Variants in SLC35F3 observed in about 807,000 individuals in gnomAD.
The protein encoded by SLC35F3 is solute carrier family 35 member F3, also known as putative thiamine transporter SLC35F3.
SLC35F3 carries 25 observed loss-of-function variants against 49.9 expected under a neutral mutation model. The observed-to-expected ratio is 0.50, with a 90% CI of 0.37 to 0.70. The LOEUF is 0.70. Among genes scored for constraint, SLC35F3 ranks in the 30% least tolerant of loss-of-function variants. The pLI, the probability that SLC35F3 is intolerant of heterozygous loss-of-function variation, is 0.00. For missense variants in SLC35F3, 525 were observed against 639.8 expected (o/e 0.82, Z 1.94); for synonymous variants, 275 against 265.4 (o/e 1.04, Z -0.35).
At position 234,236,925 on chromosome 1, in the gene SLC35F3, TTATATATATATATATATATATATATA is replaced by T. The variant is rs55846915; in HGVS notation, c.608+5198_608+5223del. ...AGACAGTCTCCTATTAAAAAAAAAATTATATATATATATATATATATATATATATATATATATATGGAGGAAATGGG... is the reference window on the plus strand; with the variant it reads ...AGACAGTCTCCTATTAAAAAAAAAATTATATATATATATGGAGGAAATGGG... On this transcript the variant is annotated intron_variant, in intron 3 of 7. Transcript: ENST00000366618. Among the ~76,000 whole-genome samples the T allele has an allele frequency of 6.1e-4, 59 of 96,294 alleles. 4 individuals carry two copies. Among genetic ancestry groups the T allele is most frequent in the African/African-American group, 2.1e-3 (51 of 24,684 alleles). The allele number at this position is 96,294 out of a possible 152,430, so 63.2% of individuals were successfully genotyped here. A position where few individuals can be genotyped will look rare whatever the true frequency, so the allele number is the denominator to read the frequency against.
chr1:234,258,572 C>T (rs530478653), intron 3 of SLC35F3, among the ~76,000 whole-genome samples: 11 of 152,348 alleles, frequency 7.2e-5, no homozygotes, highest in Non-Finnish European at 1.2e-4. Context: ...AAGGCAGTTC[C>T]ATCCTGAACA....
At chr1:234,122,687 T>G (rs565997094) in intron 2 of SLC35F3, among the ~76,000 whole-genome samples, 1 of 152,346 alleles carries the variant, frequency 6.6e-6, no homozygotes, top group East Asian at 1.9e-4. Flanking sequence ...TTCTCATTGT[T>G]CAGCTCCCAT....
chr1:234,285,205 A>G (rs1042589558), intron 3 of SLC35F3: 1 of 394,958 alleles, frequency 2.5e-6, no homozygotes, highest in Non-Finnish European at 4.9e-6. Flanking sequence ...ACTCATGCAC[A>G]GAACATGATC....
chr1:234,056,167 A>T (rs1460070660), intron 2 of SLC35F3, among the ~76,000 whole-genome samples: 1 of 151,892 alleles, frequency 6.6e-6, no homozygotes, highest in Non-Finnish European at 1.5e-5. Flanking sequence ...TGTTCCTTTC[A>T]TTTATTCTTC....
chr1:233,929,464 A>G (rs976949958), intron 2 of SLC35F3, among the ~76,000 whole-genome samples: 3 of 152,202 alleles, frequency 2.0e-5, no homozygotes, highest in Non-Finnish European at 2.9e-5. Flanking sequence ...AAAGCCCACT[A>G]CTTTACCCCG....
intron 2 of SLC35F3, among the ~76,000 whole-genome samples, chr1:233,976,233 G>T (rs1166398181): frequency 6.6e-6 from 1 of 152,050 alleles, no homozygotes; most frequent in African/African-American, 2.4e-5. Flanking sequence ...TTTTAAGATG[G>T]CATGAAAAGA....
intron 3 of SLC35F3, among the ~76,000 whole-genome samples, chr1:234,236,925 TTATATATATATATA>T (rs55846915): frequency 0.016 from 1,543 of 96,276 alleles, 62 homozygotes; most frequent in African/African-American, 0.026. Flanking sequence ...AAAAAAAAAA[TTATATATATATATA>T]TATATATATA....
chr1:234,187,392 A>G (rs1666658300), intron 2 of SLC35F3, among the ~76,000 whole-genome samples: 1 of 152,186 alleles, frequency 6.6e-6, no homozygotes, highest in African/African-American at 2.4e-5. Flanking sequence ...GAGGGGGGAA[A>G]ATGGCGGACA....
intron 2 of SLC35F3, among the ~76,000 whole-genome samples, chr1:234,177,991 G>A (rs1666501170): frequency 6.6e-6 from 1 of 152,156 alleles, no homozygotes; most frequent in African/African-American, 2.4e-5. Context: ...AATCACTTGA[G>A]CGCATGCTTT....
intron 2 of SLC35F3, among the ~76,000 whole-genome samples, chr1:234,067,358 G>A (rs1430108343): frequency 6.6e-6 from 1 of 152,098 alleles, no homozygotes; most frequent in African/African-American, 2.4e-5. Flanking sequence ...AATATCCCAT[G>A]GGCTAAAAAG....
chr1:234,287,889 C>T (rs1043963524), intron 3 of SLC35F3, among the ~76,000 whole-genome samples: 26 of 152,072 alleles, frequency 1.7e-4, no homozygotes, highest in African/African-American at 4.3e-4. Flanking sequence ...GAATTGGTGG[C>T]GAAATTTTTT....
chr1:234,014,506 T>C (rs1663773975), intron 2 of SLC35F3, among the ~76,000 whole-genome samples: 1 of 152,034 alleles, frequency 6.6e-6, no homozygotes, highest in Admixed American at 6.6e-5. Context: ...AAAATAAAGG[T>C]CATCCAGATA....
Position 234,214,392 on chromosome 1 carries a change from C to G in SLC35F3, c.284-17025C>G. The stretch of plus-strand genomic sequence containing the variant: ...GAGAGGGGCGAGCCGCTGGTGCTCC[C>G]CGGCGGCAGAGGGCCGCGTCGGCCA... On this transcript the variant is annotated intron_variant, in intron 2 of 7. Coordinates refer to ENST00000366618, the MANE Select transcript of SLC35F3 (RefSeq NM_173508.4). This position sits in a 1 kb window ranked among gnomAD's most constrained non-coding sequence, Gnocchi z 8.0. 1 of 1,368,580 alleles carries G rather than the reference C, an allele frequency of 7.3e-7. No individual in the cohort carries two copies. Among genetic ancestry groups the G allele is most frequent in the African/African-American group, 1.5e-5 (1 of 65,502 alleles). 84.8% of individuals were successfully genotyped at this position (1,368,580 alleles called of 1,614,324 possible). A position where few individuals can be genotyped will look rare whatever the true frequency, so the allele number is the denominator to read the frequency against.
At chr1:233,919,705 A>G (rs962331914) in intron 2 of SLC35F3, among the ~76,000 whole-genome samples, 6 of 152,076 alleles carry the variant, frequency 3.9e-5, no homozygotes, top group African/African-American at 1.4e-4. Flanking sequence ...TATATTTTGC[A>G]TCTTTCCCAA....
chr1:234,161,798 C>A (rs1666231824), intron 2 of SLC35F3, among the ~76,000 whole-genome samples: 1 of 151,862 alleles, frequency 6.6e-6, no homozygotes, highest in Non-Finnish European at 1.5e-5. Context: ...AGAGTGAGAC[C>A]CCATCTCAAA....
intron 2 of SLC35F3, among the ~76,000 whole-genome samples, chr1:233,915,896 G>T (rs527656384): frequency 6.6e-6 from 1 of 152,132 alleles, no homozygotes; most frequent in Non-Finnish European, 1.5e-5. Context: ...ATTATCTCCC[G>T]CCAGGTCCCT....
chr1:233,918,173 C>A (rs1337505507), intron 2 of SLC35F3, among the ~76,000 whole-genome samples: 18 of 152,204 alleles, frequency 1.2e-4, no homozygotes. Context: ...CAGATGACTC[C>A]TAATGGTCAG....
At chr1:234,034,167 G>A (rs12138162) in intron 2 of SLC35F3, among the ~76,000 whole-genome samples, 19,983 of 152,224 alleles carry the variant, frequency 0.13, 1,628 homozygotes, top group Non-Finnish European at 0.18. Context: ...GGTCGCTGTT[G>A]ATGTTTAGCA....
chr1:234,246,417 C>T (rs991642778), intron 3 of SLC35F3, among the ~76,000 whole-genome samples: 3 of 152,144 alleles, frequency 2.0e-5, no homozygotes, highest in African/African-American at 7.2e-5. Flanking sequence ...AGAAGCAGGG[C>T]CTGTATCAGT....
Sources: allele counts gnomAD v4.1 joint callset (sites outside exome capture counted in the v4.1 genomes callset), GRCh38; gene constraint gnomAD v4.1.1; non-coding constraint Gnocchi (gnomAD v3.1); transcripts MANE v1.5; gene names NCBI Gene and HGNC (gene_info 2026-07-23, HGNC 2026-07-21).